NEU3: variants seen among roughly 807,000 people sequenced by gnomAD.
NEU3 encodes neuraminidase 3.
Under a neutral mutation model 11.4 loss-of-function variants are expected in NEU3, and 10 were observed. The ratio of observed to expected loss-of-function variants is 0.88; its 90% CI spans 0.54 to 1.49. NEU3 has a LOEUF of 1.49. Ranked by LOEUF, NEU3 falls within the 40% of genes most tolerant of loss-of-function variation. NEU3 has a pLI of 0.00. For synonymous variants in NEU3, 212 were observed against 228.2 expected (o/e 0.93, Z 0.64); for missense variants, 529 against 581.8 (o/e 0.91, Z 0.93).
At chr11:75,013,470 C>T (rs1487743078), downstream of NEU3, among the ~76,000 whole-genome samples, 4 of 152,186 alleles carry the variant, frequency 2.6e-5, no homozygotes, top group Non-Finnish European at 4.4e-5. Flanking sequence ...CCAAGGTGGA[C>T]GACCGTCATG....
At chr11:75,002,458 C>G (rs1054224631) in intron 2 of NEU3, among the ~76,000 whole-genome samples, 1 of 152,114 alleles carries the variant, frequency 6.6e-6, no homozygotes, top group Non-Finnish European at 1.5e-5. Flanking sequence ...ATTCCCCTAC[C>G]TCTTATAGGC....
At chr11:75,011,361 T>C (rs1471402808), downstream of NEU3, among the ~76,000 whole-genome samples, 1 of 152,248 alleles carries the variant, frequency 6.6e-6, no homozygotes, top group Non-Finnish European at 1.5e-5. Flanking sequence ...GTTTGTTCCA[T>C]TGAGACGTTT....
intron 2 of NEU3, among the ~76,000 whole-genome samples, chr11:75,000,053 G>C (rs1317133653): frequency 1.3e-5 from 2 of 152,144 alleles, no homozygotes; most frequent in African/African-American, 4.8e-5. Flanking sequence ...GGGACTCCAA[G>C]GGTAGACAGG....
At chr11:75,002,856 A>G (rs569282394) in intron 2 of NEU3, among the ~76,000 whole-genome samples, 1 of 152,280 alleles carries the variant, frequency 6.6e-6, no homozygotes, top group South Asian at 2.1e-4. Flanking sequence ...GCTTTTGTTC[A>G]GTATTCTTGA....
intron 1 of NEU3, 32 bp from the exon 2 acceptor site, chr11:74,994,477 G>A: frequency 6.5e-7 from 1 of 1,546,168 alleles, no homozygotes; most frequent in Non-Finnish European, 8.8e-7. Flanking sequence ...TCTGGGTATG[G>A]ACACACATTA....
chr11:74,989,528 C>T (rs1445179825), intron 1 of NEU3, among the ~76,000 whole-genome samples: 1 of 152,036 alleles, frequency 6.6e-6, no homozygotes, highest in Non-Finnish European at 1.5e-5. Flanking sequence ...CATCCCGGGC[C>T]CGAGTTTTCC....
At chr11:74,993,699 T>C (rs1364719988) in intron 1 of NEU3, among the ~76,000 whole-genome samples, 3 of 152,156 alleles carry the variant, frequency 2.0e-5, no homozygotes, top group South Asian at 2.1e-4. Context: ...CTTGCAGTTA[T>C]GGAGTCCGAG....
chr11:75,012,494 A>T (rs1948962501), downstream of NEU3, among the ~76,000 whole-genome samples: 1 of 152,204 alleles, frequency 6.6e-6, no homozygotes, highest in Non-Finnish European at 1.5e-5. Context: ...GCCTCTTTAA[A>T]GTCACACACA....
intron 1 of NEU3, among the ~76,000 whole-genome samples, chr11:74,993,407 T>C (rs951794735): frequency 1.3e-5 from 2 of 152,172 alleles, no homozygotes; most frequent in African/African-American, 4.8e-5. Context: ...GGTTTCACCA[T>C]GTTAGCCAGG....
At chr11:74,980,818 A>G in the NEU3 span, among the ~76,000 whole-genome samples, 1 of 152,220 alleles carries the variant, frequency 6.6e-6, no homozygotes, top group Non-Finnish European at 1.5e-5. Flanking sequence ...GTACTTCCTC[A>G]CTAATCTGGC....
At chr11:74,994,928 G>A (rs1289590622) in intron 2 of NEU3, 1 of 679,970 alleles carries the variant, frequency 1.5e-6, no homozygotes, top group Admixed American at 2.1e-5. Context: ...TGTGTCGTAG[G>A]TACTGTTTTC....
downstream of NEU3, among the ~76,000 whole-genome samples, chr11:75,020,206 AT>A (rs1315273396): frequency 6.6e-6 from 1 of 152,086 alleles, no homozygotes; most frequent in African/African-American, 2.4e-5. Flanking sequence ...CCTGCTTTTA[AT>A]TTTACAGGCT....
Position 75,005,808 on chromosome 11 carries a change from G to C in NEU3, c.702G>C (p.Leu234=), listed in dbSNP as rs1480526783. The change falls in exon 3 of 3, where the codon CTG becomes CTC. Residue 234 remains leucine, a synonymous_variant. Transcript: ENST00000294064. Reference sequence around the variant, plus strand: ...CATGTAAAACCAGGCCTCATTCTCTGATGATCTACAGTGATGACCTAGGGG... The same window carrying C: ...CATGTAAAACCAGGCCTCATTCTCTCATGATCTACAGTGATGACCTAGGGG... ...QLPCKTRPHS[L]MIYSDDLGVT... is the part of the protein sequence containing the mutation. The C allele has an allele frequency of 6.2e-7, 1 of 1,613,828 alleles. No homozygotes were observed. The highest frequency in any genetic ancestry group is 8.5e-7 in the Non-Finnish European group (1 of 1,179,870).
chr11:74,981,039 A>G, the NEU3 span, among the ~76,000 whole-genome samples: 1 of 152,262 alleles, frequency 6.6e-6, no homozygotes, highest in Non-Finnish European at 1.5e-5. Context: ...TTCAGGGTAC[A>G]TAATGCTTGT....
At chr11:74,985,250 G>A (rs550609747), upstream of NEU3, among the ~76,000 whole-genome samples, 3 of 152,066 alleles carry the variant, frequency 2.0e-5, no homozygotes, top group East Asian at 5.8e-4. Context: ...ATAATAAGAT[G>A]AATATTTGTG....
In NEU3 at chr11:75,005,728, GT is replaced by G; in HGVS notation, c.623del (p.Val208AlafsTer27). The part of the protein sequence containing the change: ...HGIQLQSGRL[V>X]IPAYTYYIPS... ...CATCCAGCTGCAGTCAGGGAGACTG[GT>G]CATCCCTGCGTATACCTACTACATC... is the stretch of plus-strand genomic sequence containing the variant. On this transcript the variant is annotated frameshift_variant, in exon 3 of 3. Transcript: ENST00000294064. LOFTEE classifies it low-confidence loss of function (END_TRUNC). The G allele has an allele frequency of 6.2e-7, 1 of 1,613,924 alleles. No homozygotes were observed. Among genetic ancestry groups the G allele is most frequent in the Non-Finnish European group, 8.5e-7 (1 of 1,179,824 alleles).
chr11:74,985,456 G>A (rs1416274100), upstream of NEU3, among the ~76,000 whole-genome samples: 1 of 151,796 alleles, frequency 6.6e-6, no homozygotes, highest in Non-Finnish European at 1.5e-5. Flanking sequence ...AGACATATAT[G>A]GTTATTTTTT....
chr11:74,981,563 A>G, the NEU3 span, among the ~76,000 whole-genome samples: 1 of 152,200 alleles, frequency 6.6e-6, no homozygotes, highest in African/African-American at 2.4e-5. Context: ...GGTGTAGGCC[A>G]TGGGCAGCTG....
At position 75,005,970 on chromosome 11, in the gene NEU3, C is replaced by T; in HGVS notation, c.864C>T (p.Leu288=). ...RTPNRCRAEA[L]STDHGEGFQR... is the part of the protein sequence containing the mutation. ...CAAACAGGTGCCGGGCAGAGGCGCTCAGCACTGACCATGGTGAAGGCTTTC... is the reference window on the plus strand; with the variant it reads ...CAAACAGGTGCCGGGCAGAGGCGCTTAGCACTGACCATGGTGAAGGCTTTC... Residue 288 remains leucine (L), a synonymous_variant, in exon 3 of 3, where the codon CTC becomes CTT. Coordinates refer to ENST00000294064, the MANE Select transcript of NEU3 (RefSeq NM_006656.6). 1 of 1,613,924 alleles carries T rather than the reference C, an allele frequency of 6.2e-7. No individual in the cohort carries two copies. The highest frequency in any genetic ancestry group is 1.6e-4 in the Middle Eastern group (1 of 6,062).
Sources: allele counts gnomAD v4.1 joint callset (sites outside exome capture counted in the v4.1 genomes callset), GRCh38; gene constraint gnomAD v4.1.1; transcripts MANE v1.5; gene names NCBI Gene and HGNC (gene_info 2026-07-23, HGNC 2026-07-21).